UTRN: variants seen among roughly 807,000 people sequenced by gnomAD.
The protein encoded by UTRN is utrophin.
In UTRN, 283 loss-of-function variants were observed where a neutral mutation model predicts 463.9. The observed-to-expected ratio is 0.61, with a 90% confidence interval of 0.55 to 0.67. The LOEUF is 0.67. Among genes scored for constraint, UTRN ranks in the 30% least tolerant of loss-of-function variants. The pLI is 0.00. For missense variants in UTRN, 3,922 were observed against 4,084.3 expected, an observed-to-expected ratio of 0.96 and a Z score of 1.08; for synonymous variants, 1,442 against 1,431.5, an observed-to-expected ratio of 1.01 and a Z score of -0.17.
intron 65 of UTRN, among the ~76,000 whole-genome samples, chr6:144,815,753 G>A (rs928544735): frequency 6.6e-6 from 1 of 152,202 alleles, no homozygotes; most frequent in Non-Finnish European, 1.5e-5. Flanking sequence ...CCGGGTTTGA[G>A]GGTGTATCTG....
rs1803635009 is a variant in UTRN, at chr6:144,286,131, C to T, written c.-93+310C>T. Among the ~76,000 whole-genome samples the T allele has an allele frequency of 6.6e-6, 1 of 152,260 alleles. No individual in the cohort carries two copies. Among genetic ancestry groups the T allele is most frequent in the Non-Finnish European group, 1.5e-5 (1 of 68,044 alleles). On this transcript the variant is annotated intron_variant, in intron 1 of 74. Transcript: ENST00000367545. The surrounding 1 kb of genome is among the most constrained non-coding windows in gnomAD (Gnocchi z 4.4). ...ACTTATCTGACCAGCTCTGTGCTGC[C>T]TCCCTGCTCCCCTAATCTTCCTCCC...
At chr6:144,470,449 G>T (rs569288973) in intron 23 of UTRN, among the ~76,000 whole-genome samples, 1 of 151,178 alleles carries the variant, frequency 6.6e-6, no homozygotes, top group African/African-American at 2.4e-5. Flanking sequence ...GGGCAGAGGC[G>T]CTCCTCACAT....
chr6:144,288,786 TC>T (rs1469426799), intron 1 of UTRN, among the ~76,000 whole-genome samples: 1 of 138,666 alleles, frequency 7.2e-6, no homozygotes, highest in Admixed American at 7.8e-5. Flanking sequence ...TGAGATGGAG[TC>T]TCACCCACTC....
At chr6:144,313,068 C>T (rs926743937) in intron 2 of UTRN, among the ~76,000 whole-genome samples, 1 of 152,190 alleles carries the variant, frequency 6.6e-6, no homozygotes, top group Non-Finnish European at 1.5e-5. Flanking sequence ...GATCCTGGTT[C>T]CTTCTCTCTT....
intron 51 of UTRN, among the ~76,000 whole-genome samples, chr6:144,584,872 C>A (rs904821884): frequency 6.6e-6 from 1 of 152,002 alleles, no homozygotes; most frequent in African/African-American, 2.4e-5. Context: ...TAAGTTTATT[C>A]TGGTAAAACA....
intron 51 of UTRN, among the ~76,000 whole-genome samples, chr6:144,650,683 G>A (rs893476344): frequency 6.6e-6 from 1 of 152,162 alleles, no homozygotes; most frequent in African/African-American, 2.4e-5. Context: ...GGCCAAGGCG[G>A]GCAGATCACA....
chr6:144,350,208 T>C (rs1241282077), intron 2 of UTRN, among the ~76,000 whole-genome samples: 3 of 151,752 alleles, frequency 2.0e-5, no homozygotes, highest in African/African-American at 7.3e-5. Context: ...TTTTTAGTAA[T>C]ATAGTTCAAA....
intron 2 of UTRN, among the ~76,000 whole-genome samples, chr6:144,299,945 T>A (rs1013613201): frequency 2.6e-5 from 4 of 152,160 alleles, no homozygotes; most frequent in African/African-American, 9.7e-5. Context: ...TTTGAAATAA[T>A]TTGCCTACCA....
chr6:144,538,224 A>G (rs1262243014), intron 44 of UTRN, among the ~76,000 whole-genome samples: 1 of 152,168 alleles, frequency 6.6e-6, no homozygotes, highest in East Asian at 1.9e-4. Flanking sequence ...TTGTATATGT[A>G]TATAATCTAT....
chr6:144,329,633 A>G (rs757374279), intron 2 of UTRN, among the ~76,000 whole-genome samples: 4 of 152,204 alleles, frequency 2.6e-5, no homozygotes, highest in Non-Finnish European at 5.9e-5. Flanking sequence ...AGTCAAAGCT[A>G]CCACTAATAA....
chr6:144,585,643 G>A (rs572871538), intron 51 of UTRN, among the ~76,000 whole-genome samples: 1 of 152,216 alleles, frequency 6.6e-6, no homozygotes, highest in African/African-American at 2.4e-5. Flanking sequence ...AATATTGATA[G>A]AGGTAGCTAT....
intron 41 of UTRN, among the ~76,000 whole-genome samples, chr6:144,525,752 A>G (rs962209404): frequency 1.4e-5 from 2 of 147,642 alleles, no homozygotes; most frequent in East Asian, 2.0e-4. Flanking sequence ...TTGTTTATCT[A>G]GTTCCTTGAG....
At chr6:144,846,757 A>C (rs201938814) in intron 73 of UTRN, 48 bp from the exon 74 acceptor site, 20 of 1,613,908 alleles carry the variant, frequency 1.2e-5, no homozygotes, top group Middle Eastern at 1.7e-4. Flanking sequence ...TGGAACCAAC[A>C]AAGTAACAGG....
chr6:144,332,286 G>T (rs1776390784), intron 2 of UTRN, among the ~76,000 whole-genome samples: 1 of 152,212 alleles, frequency 6.6e-6, no homozygotes, highest in Non-Finnish European at 1.5e-5. Context: ...GACCAAGGTT[G>T]TCTTGTTCAC....
intron 45 of UTRN, among the ~76,000 whole-genome samples, chr6:144,540,362 C>G (rs1797888999): frequency 6.6e-6 from 1 of 152,036 alleles, no homozygotes; most frequent in South Asian, 2.1e-4. Flanking sequence ...TGGATGGACT[C>G]CATATCAGTC....
At chr6:144,561,346 A>G (rs1799900097) in intron 50 of UTRN, among the ~76,000 whole-genome samples, 1 of 149,440 alleles carries the variant, frequency 6.7e-6, no homozygotes, top group Admixed American at 6.7e-5. Context: ...ACACACACAT[A>G]TACACACACA....
chr6:144,379,693 C>T (rs544521191), intron 2 of UTRN, among the ~76,000 whole-genome samples: 51 of 152,306 alleles, frequency 3.3e-4, no homozygotes, highest in Non-Finnish European at 6.0e-4. Flanking sequence ...AATTAAGCCC[C>T]CCGCTTGAAT....
At chr6:144,460,452 G>T (rs770607632) in intron 21 of UTRN, among the ~76,000 whole-genome samples, 1 of 152,198 alleles carries the variant, frequency 6.6e-6, no homozygotes, top group Non-Finnish European at 1.5e-5. Context: ...CAAATGTGTC[G>T]TATTGCCTTT....
intron 53 of UTRN, among the ~76,000 whole-genome samples, chr6:144,722,013 A>G (rs1461621883): frequency 6.6e-6 from 1 of 152,188 alleles, no homozygotes; most frequent in Non-Finnish European, 1.5e-5. Context: ...ACAGGTTGTC[A>G]TGTAAGAGCA....
Sources: gnomAD v4.1 joint callset for allele counts (sites outside exome capture counted in the v4.1 genomes callset) on GRCh38, gnomAD v4.1.1 for gene constraint, Gnocchi (gnomAD v3.1) non-coding constraint, MANE v1.5 for transcripts, NCBI Gene and HGNC (gene_info 2026-07-23, HGNC 2026-07-21) for gene names.